PEBP4: variants seen among roughly 807,000 people sequenced by gnomAD.
PEBP4 encodes phosphatidylethanolamine-binding protein 4.
A neutral mutation model predicts 23.9 loss-of-function variants in PEBP4; 22 were observed. That is an observed-to-expected ratio of 0.92 (90% confidence interval 0.66 to 1.31). PEBP4 has a LOEUF of 1.31. PEBP4 is among the 40% of genes most tolerant of loss of function. The probability of loss-of-function intolerance (pLI) is 0.00; values close to 1 mark genes in which losing one functional copy is unlikely to be tolerated. For missense variants in PEBP4, 324 were observed against 281.7 expected (o/e 1.15, Z -1.07); for synonymous variants, 112 against 99.3 (o/e 1.13, Z -0.76).
chr8:22,731,649 CTATCTATT>C (rs1206254375), intron 4 of PEBP4, among the ~76,000 whole-genome samples: 4 of 134,172 alleles, frequency 3.0e-5, no homozygotes, highest in African/African-American at 1.5e-4. Context: ...ATTTATCTAT[CTATCTATT>C]TATTTATTTA....
At chr8:22,924,753 T>G in intron 2 of PEBP4, 1 of 985,314 alleles carries the variant, frequency 1.0e-6, no homozygotes, top group Non-Finnish European at 1.2e-6. Flanking sequence ...GGCTGCAGGT[T>G]TGGAGAATCA....
Position 22,817,720 on chromosome 8 carries a change from G to C in PEBP4, c.274C>G (p.Leu92Val). The part of the protein sequence containing the change: ...PGAVDGATYI[L>V]VMVDPDAPSR... ...GGGGCATCTGGATCCACCATCACCAGGATATAGGTTGCGCCCTGTAACACA... is the reference window on the plus strand; with the variant it reads ...GGGGCATCTGGATCCACCATCACCACGATATAGGTTGCGCCCTGTAACACA... Residue 92 changes from leucine (L) to valine (V), a missense_variant, in exon 4 of 7, where the codon CTG becomes GTG. Leu to Val is a conservative substitution (Grantham distance 32, BLOSUM62 1). Coordinates refer to ENST00000256404, the MANE Select transcript of PEBP4 (RefSeq NM_144962.3). 1.2e-6 allele frequency: 2 copies of C among 1,614,166 alleles called. No individual in the cohort carries two copies. Among genetic ancestry groups the C allele is most frequent in the Non-Finnish European group, 1.7e-6 (2 of 1,180,016 alleles).
At chr8:22,898,363 G>A (rs1363329148) in intron 3 of PEBP4, among the ~76,000 whole-genome samples, 1 of 123,874 alleles carries the variant, frequency 8.1e-6, no homozygotes, top group African/African-American at 3.0e-5. Context: ...CTGCACTCCA[G>A]CCTGAGCGAC....
At chr8:22,808,081 A>C (rs1806540642) in intron 4 of PEBP4, among the ~76,000 whole-genome samples, 1 of 151,172 alleles carries the variant, frequency 6.6e-6, no homozygotes, top group African/African-American at 2.4e-5. Flanking sequence ...CCACCTATCC[A>C]ACCTCTATCC....
At chr8:22,765,153 C>T (rs866918616) in intron 4 of PEBP4, among the ~76,000 whole-genome samples, 1 of 151,618 alleles carries the variant, frequency 6.6e-6, no homozygotes, top group Non-Finnish European at 1.5e-5. Flanking sequence ...TCCTTCCTTT[C>T]TTTCTTCTGA....
At chr8:22,915,080 C>T (rs903011042) in intron 3 of PEBP4, among the ~76,000 whole-genome samples, 2 of 152,186 alleles carry the variant, frequency 1.3e-5, no homozygotes, top group African/African-American at 4.8e-5. Flanking sequence ...TCCCCAATAT[C>T]CCCACAGCCC....
intron 4 of PEBP4, among the ~76,000 whole-genome samples, chr8:22,796,992 A>G (rs1806274205): frequency 6.6e-6 from 1 of 152,078 alleles, no homozygotes; most frequent in East Asian, 1.9e-4. Context: ...ACGGTGGTTC[A>G]TGCCTATAAT....
intron 4 of PEBP4, among the ~76,000 whole-genome samples, chr8:22,769,778 G>A (rs576793614): frequency 1.3e-5 from 2 of 151,840 alleles, no homozygotes; most frequent in African/African-American, 4.8e-5. Context: ...GTTTTTCTTC[G>A]TATGAAAGAG....
At chr8:22,937,690 G>A (rs893642395) in intron 1 of PEBP4, among the ~76,000 whole-genome samples, 1 of 152,066 alleles carries the variant, frequency 6.6e-6, no homozygotes. Context: ...TTACTACAAA[G>A]CTACAGTAAT....
In PEBP4 at chr8:22,846,977, C is replaced by T. The variant is rs76545493; in HGVS notation, c.259-29242G>A. Reference sequence around the variant, plus strand: ...AAGAGTTTGAAACCAGCCTGGGCAACGCAGGGAGACCATGCCTCTACAAAA... The same window carrying T: ...AAGAGTTTGAAACCAGCCTGGGCAATGCAGGGAGACCATGCCTCTACAAAA... On this transcript the variant is annotated intron_variant, in intron 3 of 6. Coordinates refer to ENST00000256404, the MANE Select transcript of PEBP4 (RefSeq NM_144962.3). Among the ~76,000 whole-genome samples, 1,087 of 151,754 alleles carry T rather than the reference C, an allele frequency of 7.2e-3. 4 individuals carry two copies. Among genetic ancestry groups the T allele is most frequent in the Non-Finnish European group, 0.012 (815 of 67,914 alleles).
intron 3 of PEBP4, among the ~76,000 whole-genome samples, chr8:22,861,640 G>C (rs1431787394): frequency 6.6e-6 from 1 of 152,196 alleles, no homozygotes; most frequent in Non-Finnish European, 1.5e-5. Flanking sequence ...GGCCTGACCA[G>C]GGCTCTCTGA....
chr8:22,858,221 T>C (rs183731617), intron 3 of PEBP4, among the ~76,000 whole-genome samples: 13 of 151,876 alleles, frequency 8.6e-5, no homozygotes, highest in East Asian at 1.9e-4. Flanking sequence ...TTCAGCTTCC[T>C]GCATTTCTTC....
rs568356735 is a variant in PEBP4, at chr8:22,802,819, G to A, written c.357+14818C>T. On this transcript the variant is annotated intron_variant, in intron 4 of 6. Coordinates refer to ENST00000256404, the MANE Select transcript of PEBP4 (RefSeq NM_144962.3). ...GAACATTTTGGCAGAAAGAAAAGTC[G>A]AGGGCTGCTTAGTGGAGGATCAAGT... 6.6e-5 allele frequency among the ~76,000 whole-genome samples: 10 copies of A among 152,290 alleles called. No homozygotes were observed. In the East Asian group the frequency reaches 1.2e-3, roughly 18 times the overall value.
At position 22,865,653 on chromosome 8, in the gene PEBP4, G is replaced by A. The variant is rs1197933844; in HGVS notation, c.259-47918C>T. 6.6e-6 allele frequency among the ~76,000 whole-genome samples: 1 copy of A among 152,162 alleles called. No homozygotes were observed. Among genetic ancestry groups the A allele is most frequent in the Non-Finnish European group, 1.5e-5 (1 of 67,992 alleles). ...CAGAAAAGCCTCGGATGCTGCCCGG[G>A]AGGAGGAGGCAAAGGAAGACTCCGT... On this transcript the variant is annotated intron_variant, in intron 3 of 6. Coordinates refer to ENST00000256404, the MANE Select transcript of PEBP4 (RefSeq NM_144962.3). The surrounding 1 kb of genome is among the most constrained non-coding windows in gnomAD (Gnocchi z 6.9).
chr8:22,727,272 G>A, intron 4 of PEBP4, 52 bp from the exon 5 acceptor site: 2 of 1,576,402 alleles, frequency 1.3e-6, no homozygotes, highest in Non-Finnish European at 1.7e-6. Flanking sequence ...CACACTTCAG[G>A]CCACGTGGGC....
At chr8:22,905,917 G>A (rs910164952) in intron 3 of PEBP4, among the ~76,000 whole-genome samples, 1 of 152,226 alleles carries the variant, frequency 6.6e-6, no homozygotes, top group African/African-American at 2.4e-5. Context: ...AGCGCCAGAT[G>A]TATGGAAAGC....
At chr8:22,764,014 G>A (rs1011762825) in intron 4 of PEBP4, among the ~76,000 whole-genome samples, 3 of 152,132 alleles carry the variant, frequency 2.0e-5, no homozygotes, top group Admixed American at 6.5e-5. Flanking sequence ...CAGGGGAAAC[G>A]CTCATCAGTT....
intron 3 of PEBP4, among the ~76,000 whole-genome samples, chr8:22,913,148 G>A (rs1453115719): frequency 1.3e-5 from 2 of 152,310 alleles, no homozygotes; most frequent in East Asian, 3.9e-4. Context: ...ACCAAATACA[G>A]TGGCATCTCA....
At chr8:22,812,520 G>A (rs1049100481) in intron 4 of PEBP4, among the ~76,000 whole-genome samples, 1 of 152,196 alleles carries the variant, frequency 6.6e-6, no homozygotes, top group Non-Finnish European at 1.5e-5. Flanking sequence ...GGAAGCCTAA[G>A]TCACGCCTTT....
Sources: allele counts gnomAD v4.1 joint callset (sites outside exome capture counted in the v4.1 genomes callset), GRCh38; gene constraint gnomAD v4.1.1; non-coding constraint Gnocchi (gnomAD v3.1); transcripts MANE v1.5; gene names NCBI Gene and HGNC (gene_info 2026-07-23, HGNC 2026-07-21).